The following DACH2 variants were observed in gnomAD, a reference collection of about 807,000 sequenced individuals.
DACH2 encodes dachshund homolog 2.
DACH2 carries 17 observed loss-of-function variants against 35.8 expected under a neutral mutation model. The observed-to-expected ratio is 0.48, with a 90% confidence interval of 0.33 to 0.71. The LOEUF (loss-of-function observed/expected upper bound fraction) is 0.71. Ranked by LOEUF, DACH2 falls within the 30% of genes least tolerant of loss-of-function variation. DACH2 has a pLI of 0.02. For synonymous variants in DACH2, 195 were observed against 177.3 expected (o/e 1.10, Z -0.79); for missense variants, 469 against 472.7 (o/e 0.99, Z 0.07).
intron 3 of DACH2, among the ~76,000 whole-genome samples, chrX:86,625,425 C>A (rs2040124415): frequency 9.0e-6 from 1 of 110,930 alleles, no homozygotes; most frequent in African/African-American, 3.3e-5. Flanking sequence ...TTCTACTGAG[C>A]CATTATGAAA....
At chrX:86,326,179 A>G (rs954066311) in intron 1 of DACH2, among the ~76,000 whole-genome samples, 1 of 111,228 alleles carries the variant, frequency 9.0e-6, no homozygotes, top group Non-Finnish European at 1.9e-5. Flanking sequence ...GTTTGCATTT[A>G]AAAATATCTG....
At chrX:86,483,805 C>T (rs1405517907) in intron 2 of DACH2, among the ~76,000 whole-genome samples, 1 of 100,184 alleles carries the variant, frequency 1.0e-5, no homozygotes, top group East Asian at 3.3e-4. Context: ...GTACCCCAGC[C>T]TCAGCAACAT....
At chrX:86,532,167 A>T (rs929119503) in intron 3 of DACH2, among the ~76,000 whole-genome samples, 4 of 112,197 alleles carry the variant, frequency 3.6e-5, no homozygotes, top group African/African-American at 1.3e-4. Flanking sequence ...GGTGAAAGGG[A>T]CTTGCCTTGT....
intron 3 of DACH2, among the ~76,000 whole-genome samples, chrX:86,593,708 T>A (rs2039678200): frequency 9.0e-6 from 1 of 111,268 alleles, no homozygotes; most frequent in Non-Finnish European, 1.9e-5. Context: ...ATTACAGGCA[T>A]GAGTCACTGT....
intron 1 of DACH2, among the ~76,000 whole-genome samples, chrX:86,282,552 G>A (rs1335376298): frequency 1.8e-5 from 2 of 111,179 alleles, no homozygotes. Flanking sequence ...AGGAAACATA[G>A]GCTATACCAT....
intron 6 of DACH2, among the ~76,000 whole-genome samples, chrX:86,729,515 A>G (rs1160521602): frequency 1.8e-5 from 2 of 111,690 alleles, no homozygotes; most frequent in East Asian, 2.8e-4. Flanking sequence ...GAAAGGCATG[A>G]TTGTATTTTG....
chrX:86,405,990 C>G (rs1356424662), intron 2 of DACH2, among the ~76,000 whole-genome samples: 1 of 111,107 alleles, frequency 9.0e-6, no homozygotes, highest in African/African-American at 3.3e-5. Flanking sequence ...AACTCACTTA[C>G]TATCATGAGA....
chrX:86,680,652 CTT>C (rs1195400316), intron 4 of DACH2, among the ~76,000 whole-genome samples: 6 of 82,290 alleles, frequency 7.3e-5, no homozygotes, highest in Admixed American at 2.7e-4. Flanking sequence ...TGACTCATTT[CTT>C]TTTTTTTTTT....
Position 86,625,466 on chromosome X carries a change from T to C in DACH2, c.641-25570T>C, listed in dbSNP as rs2040124946. On this transcript the variant is annotated intron_variant, in intron 3 of 11. Coordinates refer to ENST00000373125, the MANE Select transcript of DACH2 (RefSeq NM_053281.3). ...TATGTGTGTAATTCAAACATGTCAT[T>C]TGAGTGTCCTAACTGATAGTAATAT... 2.7e-5 allele frequency among the ~76,000 whole-genome samples: 3 copies of C among 111,030 alleles called. No individual in the cohort carries two copies. The Admixed American group carries it at 2.9e-4, about 11-fold the overall frequency.
intron 3 of DACH2, among the ~76,000 whole-genome samples, chrX:86,648,690 G>T (rs2040442501): frequency 9.1e-6 from 1 of 109,951 alleles, no homozygotes; most frequent in Non-Finnish European, 1.9e-5. Flanking sequence ...TGGTTTCATG[G>T]GTATAAACTT....
At chrX:86,550,782 C>T (rs1387415406) in intron 3 of DACH2, among the ~76,000 whole-genome samples, 3 of 111,632 alleles carry the variant, frequency 2.7e-5, no homozygotes, top group Non-Finnish European at 5.6e-5. Flanking sequence ...AGAAGACTGA[C>T]TAAAAGTTAG....
chrX:86,294,985 C>G (rs780206339), intron 1 of DACH2, among the ~76,000 whole-genome samples: 10 of 112,568 alleles, frequency 8.9e-5, no homozygotes, highest in African/African-American at 1.9e-4. Context: ...TTTACCTAAG[C>G]AAGCCTGGGC....
intron 2 of DACH2, among the ~76,000 whole-genome samples, chrX:86,402,493 A>G (rs1461143669): frequency 9.0e-6 from 1 of 111,570 alleles, no homozygotes; most frequent in Non-Finnish European, 1.9e-5. Context: ...ATATCTCTAC[A>G]AGGAGAAATA....
At chrX:86,401,921 T>C (rs1296799233) in intron 2 of DACH2, among the ~76,000 whole-genome samples, 2 of 111,470 alleles carry the variant, frequency 1.8e-5, no homozygotes, top group African/African-American at 6.5e-5. Flanking sequence ...AGAAACAGAA[T>C]TAAACACAAA....
At chrX:86,786,292 T>A (rs1380722148) in intron 7 of DACH2, among the ~76,000 whole-genome samples, 2 of 111,742 alleles carry the variant, frequency 1.8e-5, no homozygotes, top group East Asian at 2.8e-4. Flanking sequence ...TCTTGCAATA[T>A]TAAGTAGTAG....
At chrX:86,550,865 A>T (rs942685317) in intron 3 of DACH2, among the ~76,000 whole-genome samples, 3 of 111,940 alleles carry the variant, frequency 2.7e-5, no homozygotes, top group African/African-American at 9.7e-5. Flanking sequence ...GATAAATGTA[A>T]TTCCTAAAGG....
intron 3 of DACH2, among the ~76,000 whole-genome samples, chrX:86,591,280 CAT>C (rs1387632271): frequency 9.0e-6 from 1 of 111,552 alleles, no homozygotes; most frequent in African/African-American, 3.3e-5. Context: ...CCGCAATAAA[CAT>C]ATGTGTGTAT....
At chrX:86,506,552 C>A (rs1379345500) in intron 2 of DACH2, among the ~76,000 whole-genome samples, 1 of 111,003 alleles carries the variant, frequency 9.0e-6, no homozygotes, top group Non-Finnish European at 1.9e-5. Flanking sequence ...TGACATGATG[C>A]TCAGATAATG....
At chrX:86,754,505 G>A (rs190072858) in intron 7 of DACH2, among the ~76,000 whole-genome samples, 19 of 110,982 alleles carry the variant, frequency 1.7e-4, no homozygotes, top group Admixed American at 8.7e-4. Flanking sequence ...GCTATCTAGC[G>A]TTTGAATTAA....
Sources: allele counts gnomAD v4.1 joint callset (sites outside exome capture counted in the v4.1 genomes callset), GRCh38; gene constraint gnomAD v4.1.1; transcripts MANE v1.5; gene names NCBI Gene and HGNC (gene_info 2026-07-23, HGNC 2026-07-21).